Variants in DAGLB observed in about 807,000 individuals in gnomAD.
DAGLB encodes diacylglycerol lipase-beta.
DAGLB carries 66 observed loss-of-function variants against 72.1 expected under a neutral mutation model. The ratio of observed to expected loss-of-function variants is 0.92; its 90% CI spans 0.75 to 1.12. DAGLB has a LOEUF of 1.12. DAGLB is among the 50% of genes most tolerant of loss of function. The pLI, the probability that DAGLB is intolerant of heterozygous loss-of-function variation, is 0.00. For synonymous variants in DAGLB, 414 were observed against 359.5 expected (o/e 1.15, Z -1.71); for missense variants, 1,065 against 884.9 (o/e 1.20, Z -2.58).
Position 6,416,763 on chromosome 7 carries a change from C to T in DAGLB, c.1300-9G>A. On this transcript the variant is annotated splice_polypyrimidine_tract_variant and intron_variant, in intron 10 of 14. Transcript: ENST00000297056. Reference sequence around the variant, plus strand: ...ATGACCAGCCGGTACTCCTAGAGGACAGACAGCAGAATGAGGTGAAGGGTA... The same window carrying T: ...ATGACCAGCCGGTACTCCTAGAGGATAGACAGCAGAATGAGGTGAAGGGTA... 1 of 1,613,774 alleles carries T rather than the reference C, an allele frequency of 6.2e-7. No homozygotes were observed. Among genetic ancestry groups the T allele is most frequent in the Non-Finnish European group, 8.5e-7 (1 of 1,179,824 alleles).
rs1423981733 is a variant in DAGLB at position 6,409,349 on chromosome 7, G to C, written c.*488C>G. 1 of 158,250 alleles carries C rather than the reference G, an allele frequency of 6.3e-6. No individual in the cohort carries two copies. The highest frequency in any genetic ancestry group is 1.4e-5 in the Non-Finnish European group (1 of 71,430). 9.8% of individuals were successfully genotyped at this position (158,250 alleles called of 1,614,324 possible). ...CCAGCCAGAGCCCAGGGCTGCCCTTGGTGACGCCCAGGAGAAAACCCCAGC... is the reference window on the plus strand; with the variant it reads ...CCAGCCAGAGCCCAGGGCTGCCCTTCGTGACGCCCAGGAGAAAACCCCAGC... On this transcript the variant is annotated 3_prime_UTR_variant, in exon 15 of 15. Coordinates refer to ENST00000297056, the MANE Select transcript of DAGLB (RefSeq NM_139179.4).
In DAGLB at chr7:6,412,815, G is replaced by C. The variant is rs1463572097; in HGVS notation, c.1565C>G (p.Pro522Arg). The C allele has an allele frequency of 1.6e-5, 25 of 1,585,618 alleles. No individual in the cohort carries two copies. Among genetic ancestry groups the C allele is most frequent in the Non-Finnish European group, 2.1e-5 (25 of 1,163,124 alleles). The stretch of plus-strand genomic sequence containing the variant: ...CTCAACAAGGCACCCGCTTACCTTG[G>C]GTTTATTGCAGTGCGCGACCACTCG... ...ILRVVAHCNK[P>R]KYKILLHGLW... The change falls in exon 13 of 15, where the codon CCC becomes CGC. Residue 522 changes from proline to arginine, a missense_variant. Transcript: ENST00000297056.
intron 2 of DAGLB, 127 bp downstream of exon 2, chr7:6,445,826 C>T: frequency 9.2e-7 from 1 of 1,081,744 alleles, no homozygotes; most frequent in Non-Finnish European, 1.3e-6. Context: ...GATGGCTGCA[C>T]AACTCTGTGA....
intron 9 of DAGLB, among the ~76,000 whole-genome samples, chr7:6,418,960 G>A (rs1784016017): frequency 6.6e-6 from 1 of 151,984 alleles, no homozygotes; most frequent in African/African-American, 2.4e-5. Flanking sequence ...CACCGCACCT[G>A]GCTGCAACTA....
At chr7:6,445,890 G>A (rs1784984023) in intron 2 of DAGLB, 63 bp downstream of exon 2, 14 of 1,487,064 alleles carry the variant, frequency 9.4e-6, no homozygotes, top group Admixed American at 6.7e-5. Context: ...TGTATGGTAT[G>A]TGAATTATAT....
intron 1 of DAGLB, among the ~76,000 whole-genome samples, chr7:6,447,290 A>G (rs1028633179): frequency 2.6e-5 from 4 of 152,250 alleles, no homozygotes; most frequent in African/African-American, 4.8e-5. Flanking sequence ...AAATGCAGCC[A>G]CAACCGGCTC....
chr7:6,410,494 C>T lies in DAGLB; in HGVS notation c.1570-114G>A, dbSNP rs187461953. 71 of 1,449,024 alleles carry T rather than the reference C, an allele frequency of 4.9e-5. No homozygotes were observed. In the African/African-American group the frequency reaches 7.0e-4, roughly 14 times the overall value. The allele number at this position is 1,449,024 out of a possible 1,614,324, so 89.8% of individuals were successfully genotyped here. A position where few individuals can be genotyped will look rare whatever the true frequency, so the allele number is the denominator to read the frequency against. On this transcript the variant is annotated intron_variant, in intron 13 of 14. Coordinates refer to ENST00000297056, the MANE Select transcript of DAGLB (RefSeq NM_139179.4). Reference sequence around the variant, plus strand: ...AATCTGCCCTTTGACCCAGAAACCCCGCTTGGAAGACTCCAGCAAAGATGC... The same window carrying T: ...AATCTGCCCTTTGACCCAGAAACCCTGCTTGGAAGACTCCAGCAAAGATGC...
At chr7:6,433,036 A>T in intron 4 of DAGLB, 77 bp from the exon 5 acceptor site, 1 of 1,548,560 alleles carries the variant, frequency 6.5e-7, no homozygotes, top group Non-Finnish European at 8.7e-7. Context: ...CCAGTCTTCT[A>T]TAGTTGATAG....
chr7:6,410,522 C>CG (rs1237217130), intron 13 of DAGLB, 142 bp from the exon 14 acceptor site: 2 of 1,294,766 alleles, frequency 1.5e-6, no homozygotes, highest in Admixed American at 5.5e-5. Context: ...AAAGATGCAC[C>CG]GGCGAGCTGT....
intron 8 of DAGLB, among the ~76,000 whole-genome samples, chr7:6,424,360 AGG>A (rs1784232954): frequency 6.6e-6 from 1 of 152,122 alleles, no homozygotes; most frequent in South Asian, 2.1e-4. Flanking sequence ...GCTGGTGGCC[AGG>A]GGCGTGACTC....
intron 2 of DAGLB, among the ~76,000 whole-genome samples, chr7:6,442,930 T>C (rs571676409): frequency 2.6e-5 from 4 of 151,404 alleles, no homozygotes; most frequent in East Asian, 1.9e-4. Context: ...TCCCAGCACT[T>C]TGGGAGGCTG....
At chr7:6,429,188 A>T (rs1784403307) in intron 6 of DAGLB, among the ~76,000 whole-genome samples, 1 of 152,062 alleles carries the variant, frequency 6.6e-6, no homozygotes, top group South Asian at 2.1e-4. Context: ...GAAATGGGAC[A>T]AACTGGCATC....
chr7:6,421,832 C>A (rs780566077), intron 8 of DAGLB, 28 bp from the exon 9 acceptor site: 12 of 1,609,528 alleles, frequency 7.5e-6, no homozygotes, highest in Non-Finnish European at 1.0e-5. Flanking sequence ...CAGAAGCGGC[C>A]GTCAGCCTGT....
chr7:6,444,265 A>G lies in DAGLB; in HGVS notation c.247+1688T>C, dbSNP rs1032390413. Among the ~76,000 whole-genome samples, 6 of 152,034 alleles carry G rather than the reference A, an allele frequency of 3.9e-5. No homozygotes were observed. In the South Asian group the frequency reaches 6.2e-4, roughly 16 times the overall value. On this transcript the variant is annotated intron_variant, in intron 2 of 14. Coordinates refer to ENST00000297056, the MANE Select transcript of DAGLB (RefSeq NM_139179.4). Reference sequence around the variant, plus strand: ...TCTAGCCTGGGCAACAGAGCAAGACACTGTCTCTAACAACAACAAAATAGT... The same window carrying G: ...TCTAGCCTGGGCAACAGAGCAAGACGCTGTCTCTAACAACAACAAAATAGT...
At chr7:6,444,853 C>G (rs1314695516) in intron 2 of DAGLB, among the ~76,000 whole-genome samples, 2 of 152,302 alleles carry the variant, frequency 1.3e-5, no homozygotes, top group Middle Eastern at 6.8e-3. Flanking sequence ...TTACAGTGAG[C>G]CGAGATTGCG....
chr7:6,444,695 T>C lies in DAGLB; in HGVS notation c.247+1258A>G, dbSNP rs188597936. ...CATTTCCGCAAAAATGATACACAAA[T>C]GAGCAATAAGCAAATGAAAGGATGC... On this transcript the variant is annotated intron_variant, in intron 2 of 14. Transcript: ENST00000297056. Among the ~76,000 whole-genome samples, 70 of 152,228 alleles carry C rather than the reference T, an allele frequency of 4.6e-4. 1 individual carries two copies. Among genetic ancestry groups the C allele is most frequent in the South Asian group, 1.7e-3 (8 of 4,826 alleles).
chr7:6,426,128 A>G lies in DAGLB; in HGVS notation c.930-14T>C. 6.2e-7 allele frequency: 1 copy of G among 1,613,062 alleles called. No homozygotes were observed. On this transcript the variant is annotated splice_polypyrimidine_tract_variant and intron_variant, in intron 6 of 14. Coordinates refer to ENST00000297056, the MANE Select transcript of DAGLB (RefSeq NM_139179.4). ...CTGCTTCTGCAGCTAAAAAGAGGAC[A>G]AAGACGTTACTATGCCGAACAGAGC...
intron 2 of DAGLB, among the ~76,000 whole-genome samples, chr7:6,437,087 G>C (rs147125525): frequency 6.6e-6 from 1 of 151,454 alleles, no homozygotes; most frequent in Non-Finnish European, 1.5e-5. Flanking sequence ...CCAGGAGGCG[G>C]AGGTTGCAGT....
chr7:6,447,057 T>A (rs1426462252), intron 1 of DAGLB, among the ~76,000 whole-genome samples: 1 of 152,152 alleles, frequency 6.6e-6, no homozygotes, highest in Admixed American at 6.6e-5. Flanking sequence ...CAGGTTGGTC[T>A]CAAACTCCTG....
Sources: allele counts gnomAD v4.1 joint callset (sites outside exome capture counted in the v4.1 genomes callset), GRCh38; gene constraint gnomAD v4.1.1; transcripts MANE v1.5; gene names NCBI Gene and HGNC (gene_info 2026-07-23, HGNC 2026-07-21).